The following NRG3 variants were observed in gnomAD, a reference collection of about 807,000 sequenced individuals.
NRG3 encodes pro-neuregulin-3, membrane-bound isoform.
Under a neutral mutation model 66.9 loss-of-function variants are expected in NRG3, and 31 were observed. The ratio of observed to expected loss-of-function variants is 0.46; its 90% CI spans 0.35 to 0.63. The LOEUF (loss-of-function observed/expected upper bound fraction) is 0.63. NRG3 is among the 20% of genes least tolerant of loss of function. NRG3 has a pLI of 0.00. For synonymous variants in NRG3, 393 were observed against 359.4 expected (o/e 1.09, Z -1.06); for missense variants, 910 against 878.9 (o/e 1.04, Z -0.45).
intron 3 of NRG3, among the ~76,000 whole-genome samples, chr10:82,757,992 A>G (rs1313739671): frequency 1.3e-5 from 2 of 152,024 alleles, no homozygotes; most frequent in African/African-American, 2.4e-5. Context: ...TCTCTATGTT[A>G]ATACTATCAG....
intron 3 of NRG3, among the ~76,000 whole-genome samples, chr10:82,798,503 C>A (rs2060896076): frequency 6.6e-6 from 1 of 152,048 alleles, no homozygotes; most frequent in South Asian, 2.1e-4. Flanking sequence ...GTTTACAGTT[C>A]CAAGGGGAAG....
chr10:82,685,405 C>T (rs76651573), intron 2 of NRG3, among the ~76,000 whole-genome samples: 3 of 152,246 alleles, frequency 2.0e-5, no homozygotes, highest in African/African-American at 4.8e-5. Flanking sequence ...TCAGTAAAAA[C>T]GAACTAAGTA....
chr10:82,408,143 G>GA (rs1187200361), intron 2 of NRG3, among the ~76,000 whole-genome samples: 2 of 139,024 alleles, frequency 1.4e-5, no homozygotes, highest in Non-Finnish European at 3.1e-5. Flanking sequence ...AAGAAAGAAA[G>GA]AAAAGAAAAA....
intron 1 of NRG3, among the ~76,000 whole-genome samples, chr10:82,007,043 G>GAGCATGAT (rs2061398941): frequency 6.6e-6 from 1 of 152,066 alleles, no homozygotes; most frequent in South Asian, 2.1e-4. Context: ...TTGGGCATAT[G>GAGCATGAT]AGCATGATAT....
chr10:82,410,224 G>T (rs2087953413), intron 2 of NRG3, among the ~76,000 whole-genome samples: 1 of 152,006 alleles, frequency 6.6e-6, no homozygotes, highest in Non-Finnish European at 1.5e-5. Context: ...GGGCGTGGTG[G>T]CTCACGCCTG....
intron 1 of NRG3, among the ~76,000 whole-genome samples, chr10:81,982,847 A>G (rs527446345): frequency 7.6e-4 from 116 of 152,344 alleles, no homozygotes; most frequent in Non-Finnish European, 1.5e-3. Context: ...GTTTCAACAT[A>G]TGATTTTGGA....
chr10:82,362,659 G>A (rs1322013675), intron 2 of NRG3, among the ~76,000 whole-genome samples: 1 of 149,708 alleles, frequency 6.7e-6, no homozygotes, highest in Non-Finnish European at 1.5e-5. Flanking sequence ...TAAAATGTTG[G>A]GATTACAGGT....
intron 1 of NRG3, among the ~76,000 whole-genome samples, chr10:82,144,035 A>C (rs1437524872): frequency 6.6e-6 from 1 of 151,142 alleles, no homozygotes; most frequent in Non-Finnish European, 1.5e-5. Context: ...GTCTTAAAAA[A>C]AAAAAAAAGA....
intron 1 of NRG3, among the ~76,000 whole-genome samples, chr10:82,044,443 G>A (rs959147246): frequency 6.6e-6 from 1 of 151,882 alleles, no homozygotes; most frequent in Non-Finnish European, 1.5e-5. Context: ...GGATGTGAGA[G>A]AAAACAAGAA....
At chr10:82,189,290 TTAAACA>T (rs1288780925) in intron 1 of NRG3, among the ~76,000 whole-genome samples, 1 of 152,026 alleles carries the variant, frequency 6.6e-6, no homozygotes. Flanking sequence ...AATAATAGAG[TTAAACA>T]TAAGATTTTT....
chr10:82,800,720 A>G (rs1360981708), intron 3 of NRG3, among the ~76,000 whole-genome samples: 2 of 152,188 alleles, frequency 1.3e-5, no homozygotes, highest in African/African-American at 4.8e-5. Flanking sequence ...AAAGTACCAA[A>G]TAAGATATAT....
chr10:82,511,432 G>C (rs963499416), intron 2 of NRG3, among the ~76,000 whole-genome samples: 1 of 152,148 alleles, frequency 6.6e-6, no homozygotes. Context: ...GAAAAGTGTT[G>C]CTCCTCACAC....
intron 1 of NRG3, among the ~76,000 whole-genome samples, chr10:81,898,262 T>C (rs1843701820): frequency 6.6e-6 from 1 of 152,212 alleles, no homozygotes. Context: ...ACAAGACCCC[T>C]GCCAGCAAGA....
chr10:82,159,963 G>C (rs964063918), intron 1 of NRG3, among the ~76,000 whole-genome samples: 9 of 151,910 alleles, frequency 5.9e-5, no homozygotes, highest in African/African-American at 2.2e-4. Flanking sequence ...CTGAGAGGTG[G>C]TGGAAAGCCT....
At chr10:82,556,230 A>G (rs1312357061) in intron 2 of NRG3, among the ~76,000 whole-genome samples, 5 of 152,112 alleles carry the variant, frequency 3.3e-5, no homozygotes, top group African/African-American at 9.7e-5. Context: ...AAAATTTTCA[A>G]ATTCCACAGG....
At chr10:82,040,418 ATGTAATC>A (rs996029561) in intron 1 of NRG3, among the ~76,000 whole-genome samples, 2 of 114,696 alleles carry the variant, frequency 1.7e-5, no homozygotes, top group Admixed American at 1.9e-4. Flanking sequence ...TATATGTAAT[ATGTAATC>A]TTTCATAATA....
chr10:82,766,478 GT>G (rs2135125625), intron 3 of NRG3, among the ~76,000 whole-genome samples: 1 of 152,288 alleles, frequency 6.6e-6, no homozygotes, highest in East Asian at 1.9e-4. Flanking sequence ...CCTAAAAATA[GT>G]CTAGTTTAAG....
chr10:82,087,134 A>G (rs1255887537), intron 1 of NRG3, among the ~76,000 whole-genome samples: 1 of 152,158 alleles, frequency 6.6e-6, no homozygotes, highest in African/African-American at 2.4e-5. Flanking sequence ...AGCAGTTCTG[A>G]TAGACTTAAT....
intron 2 of NRG3, among the ~76,000 whole-genome samples, chr10:82,518,900 A>G (rs1845939545): frequency 1.3e-5 from 2 of 152,194 alleles, no homozygotes; most frequent in Admixed American, 1.3e-4. Context: ...TGCCTCTCAT[A>G]ACACCAAGAG....
Sources: gnomAD v4.1 joint callset for allele counts (sites outside exome capture counted in the v4.1 genomes callset) on GRCh38, gnomAD v4.1.1 for gene constraint, MANE v1.5 for transcripts, NCBI Gene and HGNC (gene_info 2026-07-23, HGNC 2026-07-21) for gene names.